The following SNX27 variants were observed in gnomAD, a reference collection of about 807,000 sequenced individuals.
SNX27 encodes the protein sorting nexin-27.
Under a neutral mutation model 71.6 loss-of-function variants are expected in SNX27, and 22 were observed. That is an observed-to-expected ratio of 0.31 (90% CI 0.22 to 0.44). SNX27 has a LOEUF of 0.44. Among genes scored for constraint, SNX27 ranks in the 20% least tolerant of loss-of-function variants. The pLI, the probability that SNX27 is intolerant of heterozygous loss-of-function variation, is 1.00. For synonymous variants in SNX27, 269 were observed against 277.2 expected (o/e 0.97, Z 0.29); for missense variants, 531 against 698.6 (o/e 0.76, Z 2.70).
intron 2 of SNX27, among the ~76,000 whole-genome samples, chr1:151,650,318 C>T (rs1669266653): frequency 2.6e-5 from 4 of 152,184 alleles, no homozygotes; most frequent in African/African-American, 9.7e-5. Context: ...TGAACCACTG[C>T]ACCTGGCCTG....
chr1:151,693,507 TGA>T (rs765211277), intron 11 of SNX27, 24 bp downstream of exon 11: 62 of 1,613,802 alleles, frequency 3.8e-5, no homozygotes, highest in Non-Finnish European at 5.2e-5. Context: ...GTCCTTGAAT[TGA>T]CCTTTTCATC....
chr1:151,617,672 A>G (rs968068646), intron 1 of SNX27, among the ~76,000 whole-genome samples: 5 of 152,176 alleles, frequency 3.3e-5, no homozygotes, highest in African/African-American at 7.2e-5. Flanking sequence ...TACATCAAAT[A>G]CTATGTATTT....
At chr1:151,624,942 G>T (rs1019510433) in intron 1 of SNX27, among the ~76,000 whole-genome samples, 2 of 152,158 alleles carry the variant, frequency 1.3e-5, no homozygotes, top group African/African-American at 4.8e-5. Flanking sequence ...CTGGCTGGAG[G>T]TATTAAGGTT....
intron 5 of SNX27, chr1:151,662,746 G>C (rs1302843317): frequency 6.6e-6 from 1 of 152,542 alleles, no homozygotes; most frequent in South Asian, 2.0e-4. Context: ...GCCTCCCAAA[G>C]TGCTGGGATT....
At chr1:151,638,204 C>T (rs1306498295) in intron 1 of SNX27, among the ~76,000 whole-genome samples, 2 of 152,112 alleles carry the variant, frequency 1.3e-5, no homozygotes, top group East Asian at 3.8e-4. Context: ...ACACAGGACT[C>T]TAAATGAGAT....
At chr1:151,641,959 T>C (rs1668789207) in intron 2 of SNX27, among the ~76,000 whole-genome samples, 1 of 33,358 alleles carries the variant, frequency 3.0e-5, no homozygotes, top group African/African-American at 6.6e-5. Context: ...TATAGATATA[T>C]ATGAGATATA....
chr1:151,636,666 TAAAAAAAAAA>T (rs11333472), intron 1 of SNX27, among the ~76,000 whole-genome samples: 2 of 97,544 alleles, frequency 2.1e-5, no homozygotes, highest in East Asian at 5.7e-4. Flanking sequence ...TCCACTTTTG[TAAAAAAAAAA>T]AAAAAAAAAA....
intron 7 of SNX27, among the ~76,000 whole-genome samples, chr1:151,671,293 A>G (rs1202501414): frequency 6.7e-6 from 1 of 149,156 alleles, no homozygotes; most frequent in African/African-American, 2.5e-5. Context: ...ACCAGAGTGC[A>G]GTGGCATGAT....
chr1:151,651,174 G>A (rs1353635771), intron 2 of SNX27, among the ~76,000 whole-genome samples: 1 of 151,898 alleles, frequency 6.6e-6, no homozygotes, highest in Admixed American at 6.5e-5. Context: ...CCCAGTAGGG[G>A]CGGCTGGGCA....
intron 1 of SNX27, among the ~76,000 whole-genome samples, chr1:151,633,812 T>G (rs1233926251): frequency 6.6e-6 from 1 of 152,216 alleles, no homozygotes; most frequent in East Asian, 1.9e-4. Flanking sequence ...TTTTATTCCT[T>G]TTTCCTTTTA....
At chr1:151,651,007 A>G (rs1413784403) in intron 2 of SNX27, among the ~76,000 whole-genome samples, 2 of 152,140 alleles carry the variant, frequency 1.3e-5, no homozygotes, top group African/African-American at 4.8e-5. Flanking sequence ...ACTTCTTTCT[A>G]CACAGACACG....
chr1:151,660,601 G>T, intron 3 of SNX27, 197 bp from the exon 4 acceptor site: 1 of 540,732 alleles, frequency 1.8e-6, no homozygotes, highest in Non-Finnish European at 3.3e-6. Context: ...TTATTTCTTT[G>T]TTCTGATCAT....
intron 1 of SNX27, among the ~76,000 whole-genome samples, chr1:151,616,956 T>G (rs906336368): frequency 6.6e-6 from 1 of 152,182 alleles, no homozygotes; most frequent in Non-Finnish European, 1.5e-5. Flanking sequence ...CTCAGTTACA[T>G]GCCCAGGGTG....
Position 151,612,554 on chromosome 1 carries a change from C to T in SNX27, c.311+42C>T, listed in dbSNP as rs1464577173. ...CCCGCCGCCCCATCCTCCCCGCGCC[C>T]CTCCTGCCCCTGCACTCCTCGCTAC... On this transcript the variant is annotated intron_variant, in intron 1 of 11. Transcript: ENST00000458013. This position sits in a 1 kb window ranked among gnomAD's most constrained non-coding sequence, Gnocchi z 5.2. 1.6e-5 allele frequency: 21 copies of T among 1,290,860 alleles called. No homozygotes were observed. The highest frequency in any genetic ancestry group is 1.9e-5 in the Non-Finnish European group (19 of 1,006,586). 80.0% of individuals were successfully genotyped at this position (1,290,860 alleles called of 1,614,324 possible). A position where few individuals can be genotyped will look rare whatever the true frequency, so the allele number is the denominator to read the frequency against.
chr1:151,688,039 C>T (rs1671265251), intron 8 of SNX27, among the ~76,000 whole-genome samples: 1 of 151,792 alleles, frequency 6.6e-6, no homozygotes, highest in South Asian at 2.1e-4. Context: ...ATAAAATATC[C>T]TGTACTATAC....
At chr1:151,632,813 A>G (rs1346411124) in intron 1 of SNX27, among the ~76,000 whole-genome samples, 2 of 152,076 alleles carry the variant, frequency 1.3e-5, no homozygotes, top group African/African-American at 4.8e-5. Flanking sequence ...GTGGACTCCT[A>G]TTTCACACTT....
At chr1:151,622,293 ATC>A (rs1571760045) in intron 1 of SNX27, among the ~76,000 whole-genome samples, 2 of 152,294 alleles carry the variant, frequency 1.3e-5, no homozygotes, top group South Asian at 4.1e-4. Context: ...AGATTACACT[ATC>A]TGTTCACATT....
intron 4 of SNX27, 56 bp from the exon 5 acceptor site, chr1:151,662,110 A>G: frequency 8.1e-7 from 1 of 1,229,190 alleles, no homozygotes; most frequent in Non-Finnish European, 1.2e-6. Flanking sequence ...AGCTTGTTAC[A>G]GGGAGAGTGA....
intron 2 of SNX27, among the ~76,000 whole-genome samples, chr1:151,652,143 A>G (rs1382377280): frequency 4.8e-5 from 7 of 146,216 alleles, no homozygotes; most frequent in Non-Finnish European, 1.1e-4. Context: ...TGGCAGCAGT[A>G]CAGTCCAGCT....
Sources: allele counts gnomAD v4.1 joint callset (sites outside exome capture counted in the v4.1 genomes callset), GRCh38; gene constraint gnomAD v4.1.1; non-coding constraint Gnocchi (gnomAD v3.1); transcripts MANE v1.5; gene names NCBI Gene and HGNC (gene_info 2026-07-23, HGNC 2026-07-21).